HNRNPM: variants seen among roughly 807,000 people sequenced by gnomAD.
HNRNPM encodes heterogeneous nuclear ribonucleoprotein M.
HNRNPM carries 11 observed loss-of-function variants against 73.1 expected under a neutral mutation model. That is an observed-to-expected ratio of 0.15 (90% CI 0.09 to 0.25). The LOEUF is 0.25. Ranked by LOEUF, HNRNPM falls within the 10% of genes least tolerant of loss-of-function variation. The probability of loss-of-function intolerance (pLI) is 1.00; values close to 1 mark genes in which losing one functional copy is unlikely to be tolerated. For synonymous variants in HNRNPM, 407 were observed against 355.2 expected, an observed-to-expected ratio of 1.15 and a Z score of -1.64; for missense variants, 789 against 1,067.9, an observed-to-expected ratio of 0.74 and a Z score of 3.64.
At chr19:8,481,964 TGTC>T (rs1568297569) in intron 12 of HNRNPM, among the ~76,000 whole-genome samples, 1 of 115,680 alleles carries the variant, frequency 8.6e-6, no homozygotes, top group Non-Finnish European at 1.7e-5. Flanking sequence ...TGTTGTTTGG[TGTC>T]TTTTTTTTTT....
chr19:8,464,468 C>G (rs988260775), intron 5 of HNRNPM, among the ~76,000 whole-genome samples: 10 of 152,052 alleles, frequency 6.6e-5, no homozygotes, highest in African/African-American at 2.4e-4. Context: ...ACCCTGTCTA[C>G]TAAAAATACA....
At chr19:8,483,797 G>A (rs951197962) in intron 13 of HNRNPM, among the ~76,000 whole-genome samples, 4 of 152,154 alleles carry the variant, frequency 2.6e-5, no homozygotes, top group African/African-American at 7.2e-5. Context: ...AGACAGTCTC[G>A]CTCTGTCTCC....
In HNRNPM at chr19:8,455,746, TTTTTTTTTTG is replaced by T. The variant is rs373597173; in HGVS notation, c.283+177_283+186del. 9.1e-3 allele frequency among the ~76,000 whole-genome samples: 785 copies of T among 86,554 alleles called. 6 individuals carry two copies. The highest frequency in any genetic ancestry group is 0.024 in the African/African-American group (755 of 31,968). The allele number at this position is 86,554 out of a possible 152,430, so 56.8% of individuals were successfully genotyped here. A position where few individuals can be genotyped will look rare whatever the true frequency, so the allele number is the denominator to read the frequency against. ...CTCAGTTTTTTTTTTTTGTTTTGTG[TTTTTTTTTTG>T]TTTTGTTTTGTTTTGTGGTCATACC... On this transcript the variant is annotated intron_variant, in intron 2 of 15. Transcript: ENST00000325495.
At chr19:8,451,635 C>T (rs1392281838) in intron 1 of HNRNPM, among the ~76,000 whole-genome samples, 1 of 152,076 alleles carries the variant, frequency 6.6e-6, no homozygotes, top group Non-Finnish European at 1.5e-5. Flanking sequence ...CCTCCTGGAG[C>T]CAGACTGTCT....
At chr19:8,452,081 G>A (rs1243038509) in intron 1 of HNRNPM, among the ~76,000 whole-genome samples, 1 of 152,184 alleles carries the variant, frequency 6.6e-6, no homozygotes, top group Non-Finnish European at 1.5e-5. Context: ...TGAGTCATGT[G>A]ATGTGGATTA....
intron 13 of HNRNPM, among the ~76,000 whole-genome samples, chr19:8,484,903 A>G (rs1971165021): frequency 6.6e-6 from 1 of 152,036 alleles, no homozygotes; most frequent in Non-Finnish European, 1.5e-5. Flanking sequence ...CCCAGCCGCT[A>G]CCAGAGCCCA....
chr19:8,485,982 G>C lies in HNRNPM; in HGVS notation c.1554G>C (p.Met518Ile). Residue 518 changes from methionine (M) to isoleucine (I), a missense_variant, in exon 14 of 16, where the codon ATG (methionine) becomes ATC (isoleucine). Physicochemically the swap from Met to Ile is conservative, Grantham distance 10. Transcript: ENST00000325495. ...GCATGGGCTCTGGCGTGGAGCGCAT[G>C]GGCCCTGCCATCGAGCGCATGGGCC... Reference protein sequence around the residue: ...IERMGSGVERMGPAIERMGLS... With the variant: ...IERMGSGVERIGPAIERMGLS... The C allele has an allele frequency of 6.2e-7, 1 of 1,603,080 alleles. No homozygotes were observed. Among genetic ancestry groups the C allele is most frequent in the South Asian group, 1.1e-5 (1 of 91,042 alleles).
intron 7 of HNRNPM, 136 bp downstream of exon 7, chr19:8,466,524 A>G: frequency 1.1e-6 from 1 of 926,924 alleles, no homozygotes. Flanking sequence ...ATTACTGTGG[A>G]ATTAAGAGGT....
intron 1 of HNRNPM, among the ~76,000 whole-genome samples, chr19:8,450,837 C>G (rs904628561): frequency 1.3e-4 from 19 of 151,388 alleles, no homozygotes; most frequent in Non-Finnish European, 2.4e-4. Context: ...ATTCTCCTGC[C>G]TCAGCCTCCC....
Position 8,462,145 on chromosome 19 carries a change from T to A in HNRNPM, c.284-384T>A, listed in dbSNP as rs1355074646. ...CGATGGCATCGCAATTTGTATGCAT[T>A]TCACCTGCTTGCCACCAATGAGAGC... On this transcript the variant is annotated intron_variant, in intron 2 of 15. Transcript: ENST00000325495. This position sits in a 1 kb window ranked among gnomAD's most constrained non-coding sequence, Gnocchi z 4.5. The A allele has an allele frequency of 9.9e-6, 2 of 202,850 alleles. No individual in the cohort carries two copies. Among genetic ancestry groups the A allele is most frequent in the Non-Finnish European group, 2.0e-5 (2 of 97,640 alleles). The allele number at this position is 202,850 out of a possible 1,614,324, so 12.6% of individuals were successfully genotyped here. A position where few individuals can be genotyped will look rare whatever the true frequency, so the allele number is the denominator to read the frequency against.
Position 8,444,993 on chromosome 19 carries a change from G to A in HNRNPM, c.-6G>A. On this transcript the variant is annotated 5_prime_UTR_variant, in exon 1 of 16. Coordinates refer to ENST00000325495, the MANE Select transcript of HNRNPM (RefSeq NM_005968.5). The stretch of plus-strand genomic sequence containing the variant: ...TTCGCTCACACAAAGCCCAGACGCG[G>A]AGAAAATGGCGGCAGGGGTCGAAGC... 19 of 1,410,282 alleles carry A rather than the reference G, an allele frequency of 1.3e-5. No individual in the cohort carries two copies. Among genetic ancestry groups the A allele is most frequent in the Non-Finnish European group, 1.8e-5 (19 of 1,082,684 alleles). 87.4% of individuals were successfully genotyped at this position (1,410,282 alleles called of 1,614,324 possible).
At chr19:8,448,039 A>T (rs981868618) in intron 1 of HNRNPM, among the ~76,000 whole-genome samples, 2 of 152,202 alleles carry the variant, frequency 1.3e-5, no homozygotes, top group African/African-American at 4.8e-5. Context: ...ACAAACAAAC[A>T]AACAAGAACA....
Position 8,445,131 on chromosome 19 carries a change from T to G in HNRNPM, c.113+20T>G. ...TAAGGGGTGAGTATCCCACGGTCCTTTGCCACGGGTAAGGGTTCCTCTCCG... is the reference window on the plus strand; with the variant it reads ...TAAGGGGTGAGTATCCCACGGTCCTGTGCCACGGGTAAGGGTTCCTCTCCG... On this transcript the variant is annotated intron_variant, in intron 1 of 15. Coordinates refer to ENST00000325495, the MANE Select transcript of HNRNPM (RefSeq NM_005968.5). 7.2e-7 allele frequency: 1 copy of G among 1,382,910 alleles called. No individual in the cohort carries two copies. Among genetic ancestry groups the G allele is most frequent in the Non-Finnish European group, 9.4e-7 (1 of 1,064,836 alleles). 85.7% of individuals were successfully genotyped at this position (1,382,910 alleles called of 1,614,324 possible).
intron 10 of HNRNPM, 38 bp from the exon 11 acceptor site, chr19:8,473,626 G>T: frequency 1.5e-6 from 2 of 1,313,718 alleles, no homozygotes; most frequent in South Asian, 2.4e-5. Flanking sequence ...TTACTGCTTT[G>T]ACATAATTTT....
In HNRNPM at chr19:8,470,553, C is replaced by T. The variant is rs541029890; in HGVS notation, c.896-773C>T. On this transcript the variant is annotated intron_variant, in intron 9 of 15. Transcript: ENST00000325495. ...ATGTTGGCCAGGATGGTCTCGAACTCCTGACCTCACGTGATCCACCCGCCT... is the reference window on the plus strand; with the variant it reads ...ATGTTGGCCAGGATGGTCTCGAACTTCTGACCTCACGTGATCCACCCGCCT... Among the ~76,000 whole-genome samples the T allele has an allele frequency of 2.0e-5, 3 of 152,222 alleles. No homozygotes were observed. In the East Asian group the frequency reaches 5.8e-4, roughly 29 times the overall value.
chr19:8,456,996 G>C (rs892168046), intron 2 of HNRNPM, among the ~76,000 whole-genome samples: 1 of 152,094 alleles, frequency 6.6e-6, no homozygotes. Context: ...AGTACAGTTG[G>C]GCCTCATTCG....
At chr19:8,467,701 G>A (rs775060798) in intron 8 of HNRNPM, 117 bp downstream of exon 8, 2 of 818,476 alleles carry the variant, frequency 2.4e-6, no homozygotes, top group African/African-American at 3.4e-5. Flanking sequence ...GTTAAATAGG[G>A]TGCAGTATGT....
rs1968033715 is a variant in HNRNPM at position 8,445,082 on chromosome 19, G to C, written c.84G>C (p.Pro28=). The C allele has an allele frequency of 7.0e-7, 1 of 1,421,092 alleles. No homozygotes were observed. Among genetic ancestry groups the C allele is most frequent in the African/African-American group, 1.5e-5 (1 of 66,558 alleles). 88.0% of individuals were successfully genotyped at this position (1,421,092 alleles called of 1,614,324 possible). ...AAGAGAGCGGCGCGCCCGGCGTGCC[G>C]AGCGGCAACGGGGCTCCGGGCCCTA... ...MEEESGAPGV[P]SGNGAPGPKG... Residue 28 remains proline (P), a synonymous_variant, in exon 1 of 16, where the codon CCG becomes CCC. Coordinates refer to ENST00000325495, the MANE Select transcript of HNRNPM (RefSeq NM_005968.5).
intron 15 of HNRNPM, 59 bp downstream of exon 15, chr19:8,487,134 A>C: frequency 7.0e-7 from 1 of 1,432,458 alleles, no homozygotes; most frequent in Non-Finnish European, 9.9e-7. Flanking sequence ...GACGCAGCCG[A>C]GTCAGCAGCA....
Sources: gnomAD v4.1 joint callset for allele counts (sites outside exome capture counted in the v4.1 genomes callset) on GRCh38, gnomAD v4.1.1 for gene constraint, Gnocchi (gnomAD v3.1) non-coding constraint, MANE v1.5 for transcripts, NCBI Gene and HGNC (gene_info 2026-07-23, HGNC 2026-07-21) for gene names.